Variants in KIF11 observed in about 807,000 individuals in gnomAD.
KIF11 encodes the protein kinesin-like protein KIF11.
Under a neutral mutation model 121.0 loss-of-function variants are expected in KIF11, and 9 were observed. The observed-to-expected ratio is 0.07, with a 90% CI of 0.04 to 0.13. The LOEUF is 0.13. Among genes scored for constraint, KIF11 ranks in the 10% least tolerant of loss-of-function variants. The pLI is 1.00. For synonymous variants in KIF11, 408 were observed against 421.0 expected (o/e 0.97, Z 0.38); for missense variants, 846 against 1,217.5 (o/e 0.69, Z 4.54).
Position 92,633,704 on chromosome 10 carries a change from A to C in KIF11, c.1784A>C (p.Asn595Thr), listed in dbSNP as rs1844763139. 11 of 1,597,044 alleles carry C rather than the reference A, an allele frequency of 6.9e-6. No individual in the cohort carries two copies. Among genetic ancestry groups the C allele is most frequent in the Non-Finnish European group, 8.6e-6 (10 of 1,164,874 alleles). Residue 595 changes from asparagine to threonine, a missense_variant, in exon 14 of 22, where the codon AAT (asparagine) becomes ACT (threonine). This residue lies in a region of KIF11 where 492 missense variants were observed against 603.4 expected (regional missense o/e 0.82). Transcript: ENST00000260731. ...ALGSLTSIPENVSTHVSQIFN... is the reference protein window; with the variant it reads ...ALGSLTSIPETVSTHVSQIFN... ...GGATCTCTCACATCTATTCCAGAAAATGTGTCTACTCATGTTTCTCAGATT... is the reference window on the plus strand; with the variant it reads ...GGATCTCTCACATCTATTCCAGAAACTGTGTCTACTCATGTTTCTCAGATT...
chr10:92,613,718 T>G lies in KIF11; in HGVS notation c.1032+99T>G, dbSNP rs1198604752. ...CATTTACTAGGATGGACACAGTGAC[T>G]CACACCTGTAAACCCAGCACTTTGG... On this transcript the variant is annotated intron_variant, in intron 8 of 21. Transcript: ENST00000260731. This position sits in a 1 kb window ranked among gnomAD's most constrained non-coding sequence, Gnocchi z 4.2. The G allele has an allele frequency of 1.7e-6, 2 of 1,180,638 alleles. No individual in the cohort carries two copies. Among genetic ancestry groups the G allele is most frequent in the African/African-American group, 3.1e-5 (2 of 64,560 alleles). The allele number at this position is 1,180,638 out of a possible 1,614,324, so 73.1% of individuals were successfully genotyped here. A position where few individuals can be genotyped will look rare whatever the true frequency, so the allele number is the denominator to read the frequency against.
At chr10:92,646,920 G>T (rs541173733) in intron 18 of KIF11, among the ~76,000 whole-genome samples, 16 of 152,138 alleles carry the variant, frequency 1.1e-4, no homozygotes, top group Non-Finnish European at 2.1e-4. Flanking sequence ...GAGAAGAAAT[G>T]ATAGAATTAA....
chr10:92,643,200 CTGCACCCAG>C (rs1389931020), intron 17 of KIF11, among the ~76,000 whole-genome samples: 5 of 152,208 alleles, frequency 3.3e-5, no homozygotes. Flanking sequence ...GTGTGAGGCA[CTGCACCCAG>C]CTGCCTTTCC....
Position 92,633,743 on chromosome 10 carries a change from T to C in KIF11, c.1823T>C (p.Leu608Pro), listed in dbSNP as rs535517017. 7.5e-6 allele frequency: 12 copies of C among 1,596,752 alleles called. No homozygotes were observed. In the South Asian group the frequency reaches 1.3e-4, roughly 18 times the overall value. Residue 608 changes from leucine to proline, a missense_variant, in exon 14 of 22, where the codon CTA becomes CCA. By Grantham distance (98) the Leu-to-Pro change is moderately conservative (BLOSUM62 -3). Transcript: ENST00000260731. ...GTTTCTCAGATTTTTAATATGATAC[T>C]AAAAGAACAATCATTAGCAGCAGAA... Reference protein sequence around the residue: ...THVSQIFNMILKEQSLAAESK... With the variant: ...THVSQIFNMIPKEQSLAAESK...
At position 92,637,548 on chromosome 10, in the gene KIF11, A is replaced by G. The variant is rs769935412; in HGVS notation, c.2160+3A>G. 6.3e-7 allele frequency: 1 copy of G among 1,598,178 alleles called. No homozygotes were observed. The highest frequency in any genetic ancestry group is 8.5e-7 in the Non-Finnish European group (1 of 1,176,662). ...CAATAAAGCAGACCCATTCCCAGGT[A>G]TGTTGTTTAGCGGACTTGGGGAGTA... On this transcript the variant is annotated splice_donor_region_variant and intron_variant, in intron 16 of 21. Transcript: ENST00000260731.
At chr10:92,647,102 T>A (rs1844928279) in intron 18 of KIF11, among the ~76,000 whole-genome samples, 2 of 152,318 alleles carry the variant, frequency 1.3e-5, no homozygotes, top group South Asian at 4.1e-4. Flanking sequence ...GTGCTTGCAG[T>A]ACTACCTATG....
intron 16 of KIF11, among the ~76,000 whole-genome samples, chr10:92,637,983 A>T (rs1441627451): frequency 6.6e-6 from 1 of 152,212 alleles, no homozygotes; most frequent in Non-Finnish European, 1.5e-5. Context: ...AAACATAGTA[A>T]ATCGATACAA....
Position 92,651,512 on chromosome 10 carries a change from T to A in KIF11, c.3039+995T>A, listed in dbSNP as rs1413802048. 1.6e-3 allele frequency among the ~76,000 whole-genome samples: 67 copies of A among 42,740 alleles called. 7 individuals carry two copies. The highest frequency in any genetic ancestry group is 0.012 in the African/African-American group (53 of 4,550). 28.0% of individuals were successfully genotyped at this position (42,740 alleles called of 152,430 possible). On this transcript the variant is annotated intron_variant, in intron 21 of 21. Transcript: ENST00000260731. ...CACCATGCCTGGCTAATTTTGTTTT[T>A]TTTTTTTTTTTTTTTTTTTTTTTTT...
In KIF11 at chr10:92,644,943, G is replaced by A. The variant is rs981606766; in HGVS notation, c.2268-420G>A. ...TATAGCTAATTTAAACATAACATTTGTAATGTTCATGATTTGTTTTACATA... is the reference window on the plus strand; with the variant it reads ...TATAGCTAATTTAAACATAACATTTATAATGTTCATGATTTGTTTTACATA... On this transcript the variant is annotated intron_variant, in intron 17 of 21. Coordinates refer to ENST00000260731, the MANE Select transcript of KIF11 (RefSeq NM_004523.4). Among the ~76,000 whole-genome samples, 7 of 152,146 alleles carry A rather than the reference G, an allele frequency of 4.6e-5. No individual in the cohort carries two copies. The South Asian group carries it at 6.2e-4, about 14-fold the overall frequency.
At chr10:92,653,084 G>A (rs1452664060) in intron 21 of KIF11, among the ~76,000 whole-genome samples, 1 of 152,184 alleles carries the variant, frequency 6.6e-6, no homozygotes, top group East Asian at 1.9e-4. Flanking sequence ...ACAAGTAAAA[G>A]TGTTTTTAAG....
Position 92,593,297 on chromosome 10 carries a change from C to G in KIF11, c.-79C>G. On this transcript the variant is annotated 5_prime_UTR_variant, in exon 1 of 22. Transcript: ENST00000260731. ...GAGAGGGACCAGGGAGACTCCGGCC[C>G]CTGTCGGCCGCCAAGCCCCTCCGCC... is the stretch of plus-strand genomic sequence containing the variant. The G allele has an allele frequency of 1.4e-6, 2 of 1,451,264 alleles. No homozygotes were observed. Among genetic ancestry groups the G allele is most frequent in the Non-Finnish European group, 1.9e-6 (2 of 1,063,886 alleles). The allele number at this position is 1,451,264 out of a possible 1,614,324, so 89.9% of individuals were successfully genotyped here.
intron 17 of KIF11, among the ~76,000 whole-genome samples, chr10:92,642,935 A>G (rs1000793361): frequency 1.3e-5 from 2 of 152,220 alleles, no homozygotes; most frequent in African/African-American, 4.8e-5. Context: ...TATTTGAGAC[A>G]GAGTCTTGCT....
At chr10:92,616,907 ATAGT>A (rs1844563341) in intron 9 of KIF11, 75 bp downstream of exon 9, 4 of 809,642 alleles carry the variant, frequency 4.9e-6, no homozygotes, top group East Asian at 2.6e-5. Flanking sequence ...GTGGGAGATA[ATAGT>A]TAAACAAGAT....
At chr10:92,625,781 A>G (rs1844669807) in intron 10 of KIF11, among the ~76,000 whole-genome samples, 2 of 152,220 alleles carry the variant, frequency 1.3e-5, no homozygotes, top group Non-Finnish European at 2.9e-5. Flanking sequence ...CTATATACCA[A>G]TAATGTCCAA....
intron 12 of KIF11, among the ~76,000 whole-genome samples, chr10:92,631,305 A>G (rs1417062009): frequency 1.3e-5 from 2 of 151,908 alleles, no homozygotes; most frequent in African/African-American, 4.8e-5. Flanking sequence ...GAAAAAAAAA[A>G]AAAAAGAATT....
intron 12 of KIF11, among the ~76,000 whole-genome samples, chr10:92,631,988 C>T (rs1375621929): frequency 6.6e-6 from 1 of 151,940 alleles, no homozygotes; most frequent in Admixed American, 6.6e-5. Context: ...AGGTGTACTT[C>T]TGAGGAAATA....
chr10:92,646,561 G>A (rs1844922392), intron 18 of KIF11, among the ~76,000 whole-genome samples: 1 of 152,108 alleles, frequency 6.6e-6, no homozygotes, highest in Admixed American at 6.5e-5. Flanking sequence ...TAATATATGA[G>A]CCTAGAGATC....
At chr10:92,593,737 AGTTT>A (rs1214409638) in intron 1 of KIF11, among the ~76,000 whole-genome samples, 1 of 152,172 alleles carries the variant, frequency 6.6e-6, no homozygotes, top group Non-Finnish European at 1.5e-5. Flanking sequence ...TACTTCATGT[AGTTT>A]GTCAGTTTGG....
intron 4 of KIF11, among the ~76,000 whole-genome samples, chr10:92,608,656 C>T (rs1235534735): frequency 6.6e-6 from 1 of 152,172 alleles, no homozygotes; most frequent in Non-Finnish European, 1.5e-5. Context: ...CCGGGATGGT[C>T]TTGATCTCCT....
Sources: gnomAD v4.1 joint callset for allele counts (sites outside exome capture counted in the v4.1 genomes callset) on GRCh38, gnomAD v4.1.1 for gene constraint, gnomAD v4.1.1 regional missense constraint, Gnocchi (gnomAD v3.1) non-coding constraint, MANE v1.5 for transcripts, NCBI Gene and HGNC (gene_info 2026-07-23, HGNC 2026-07-21) for gene names.